Variants in NCMAP observed in about 807,000 individuals in gnomAD.
NCMAP encodes the protein non-compact myelin associated protein.
NCMAP carries 8 observed loss-of-function variants against 7.8 expected under a neutral mutation model. That is an observed-to-expected ratio of 1.02 (90% CI 0.60 to 1.84). NCMAP has a LOEUF of 1.84. NCMAP is among the 40% of genes most tolerant of loss of function. The pLI is 0.00. For missense variants in NCMAP, 112 were observed against 131.4 expected (o/e 0.85, Z 0.72); for synonymous variants, 41 against 52.9 (o/e 0.78, Z 0.98).
chr1:24,568,152 G>C (rs571955129), intron 1 of NCMAP, among the ~76,000 whole-genome samples: 1 of 152,222 alleles, frequency 6.6e-6, no homozygotes, highest in Non-Finnish European at 1.5e-5. Flanking sequence ...TCCCTCTCAG[G>C]CTGTGGTATT....
intron 1 of NCMAP, among the ~76,000 whole-genome samples, chr1:24,567,078 C>T (rs768133604): frequency 1.3e-5 from 2 of 152,158 alleles, no homozygotes; most frequent in Non-Finnish European, 2.9e-5. Flanking sequence ...CTCAGGGATC[C>T]GGACCCCAGA....
At chr1:24,564,367 C>G (rs12405728) in intron 1 of NCMAP, among the ~76,000 whole-genome samples, 19,750 of 150,968 alleles carry the variant, frequency 0.13, 1,811 homozygotes, top group African/African-American at 0.26. Flanking sequence ...AAAATTAGCT[C>G]GGTGTGGTGG....
chr1:24,593,220 A>T (rs1652102840), intron 1 of NCMAP, among the ~76,000 whole-genome samples: 1 of 151,840 alleles, frequency 6.6e-6, no homozygotes, highest in Non-Finnish European at 1.5e-5. Flanking sequence ...ATAGGGGATC[A>T]TGCTTGTAAT....
At chr1:24,563,739 T>G (rs1334645539) in intron 1 of NCMAP, 2 of 152,432 alleles carry the variant, frequency 1.3e-5, no homozygotes, top group East Asian at 3.9e-4. Context: ...GAAGCTCAGT[T>G]TGCACAAGGA....
intron 1 of NCMAP, among the ~76,000 whole-genome samples, chr1:24,574,376 C>T (rs1181797590): frequency 2.6e-5 from 4 of 151,790 alleles, no homozygotes; most frequent in Non-Finnish European, 5.9e-5. Context: ...ACCTCGGCCT[C>T]GCAAAGTGCT....
intron 1 of NCMAP, among the ~76,000 whole-genome samples, chr1:24,564,987 G>T (rs992877780): frequency 1.3e-5 from 2 of 152,148 alleles, no homozygotes; most frequent in African/African-American, 2.4e-5. Context: ...GCCTCAGAAG[G>T]TGGAATACAC....
rs1006522077 is a variant in NCMAP, at chr1:24,608,025, A to G, written c.*2278A>G. ...TCCTCTCTGGTCATTATTTCTTCCT[A>G]CTGTGTTTAAATATCCACCAAGTGT... On this transcript the variant is annotated 3_prime_UTR_variant, in exon 4 of 4. Coordinates refer to ENST00000374392, the MANE Select transcript of NCMAP (RefSeq NM_001010980.5). 1 of 152,202 alleles carries G rather than the reference A, an allele frequency of 6.6e-6. No individual in the cohort carries two copies. The highest frequency in any genetic ancestry group is 1.9e-4 in the East Asian group (1 of 5,200). The allele number at this position is 152,202 out of a possible 1,614,324, so 9.4% of individuals were successfully genotyped here.
chr1:24,604,299 G>C (rs1303118643), intron 3 of NCMAP, among the ~76,000 whole-genome samples: 1 of 151,934 alleles, frequency 6.6e-6, no homozygotes, highest in Non-Finnish European at 1.5e-5. Flanking sequence ...ATAAGGCTGG[G>C]TGCAGTGGCT....
chr1:24,582,102 C>T (rs1367922214), intron 1 of NCMAP, among the ~76,000 whole-genome samples: 1 of 152,208 alleles, frequency 6.6e-6, no homozygotes, highest in East Asian at 1.9e-4. Context: ...GACTCTTTCT[C>T]TGTCCGTCTC....
At position 24,588,016 on chromosome 1, in the gene NCMAP, GA is replaced by G. The variant is rs367924225; in HGVS notation, c.-7-7405del. 5.1e-3 allele frequency among the ~76,000 whole-genome samples: 778 copies of G among 152,158 alleles called. 11 individuals carry two copies. Among genetic ancestry groups the G allele is most frequent in the African/African-American group, 0.018 (735 of 41,494 alleles). ...TAGGCAAAAGAAAGAGAAAGAAACA[GA>G]AAGGAAAACAGCTCTGTCTTTAGTG... On this transcript the variant is annotated intron_variant, in intron 1 of 3. Transcript: ENST00000374392.
At chr1:24,587,717 T>A (rs776619539) in intron 1 of NCMAP, among the ~76,000 whole-genome samples, 1 of 152,098 alleles carries the variant, frequency 6.6e-6, no homozygotes, top group Non-Finnish European at 1.5e-5. Flanking sequence ...TTCACCATGT[T>A]GTCCAGGCTG....
At chr1:24,566,993 A>T (rs887333212) in intron 1 of NCMAP, among the ~76,000 whole-genome samples, 1 of 152,140 alleles carries the variant, frequency 6.6e-6, no homozygotes, top group Non-Finnish European at 1.5e-5. Flanking sequence ...GCAATGTAAA[A>T]GTACAAAGGA....
At chr1:24,575,483 T>TTGTA (rs1651527129) in intron 1 of NCMAP, among the ~76,000 whole-genome samples, 1 of 151,738 alleles carries the variant, frequency 6.6e-6, no homozygotes, top group South Asian at 2.1e-4. Flanking sequence ...TCCTGGAGGG[T>TTGTA]GAATAATTTG....
intron 1 of NCMAP, among the ~76,000 whole-genome samples, chr1:24,589,148 T>A (rs1205844148): frequency 6.6e-6 from 1 of 152,030 alleles, no homozygotes; most frequent in Non-Finnish European, 1.5e-5. Context: ...TTAAGTGAGA[T>A]CTCCAACATA....
chr1:24,580,209 G>A (rs1224426619), intron 1 of NCMAP, among the ~76,000 whole-genome samples: 1 of 152,258 alleles, frequency 6.6e-6, no homozygotes, highest in African/African-American at 2.4e-5. Flanking sequence ...CAGCTGAAAT[G>A]TGGCTAATGC....
chr1:24,603,157 G>A (rs1652566942), intron 3 of NCMAP, among the ~76,000 whole-genome samples: 1 of 152,090 alleles, frequency 6.6e-6, no homozygotes, highest in African/African-American at 2.4e-5. Flanking sequence ...ATGTGTTAAT[G>A]CATTTAATCC....
chr1:24,589,666 T>C (rs1383240677), intron 1 of NCMAP: 1 of 152,764 alleles, frequency 6.5e-6, no homozygotes, highest in African/African-American at 2.4e-5. Flanking sequence ...CCTCCATGTA[T>C]TCCTGCAGTG....
chr1:24,598,361 C>T (rs775185862), intron 2 of NCMAP, among the ~76,000 whole-genome samples: 4 of 152,130 alleles, frequency 2.6e-5, no homozygotes, highest in Non-Finnish European at 4.4e-5. Flanking sequence ...CCACCAGTAT[C>T]CTAGAGGTCG....
At chr1:24,599,416 C>A (rs184505497) in intron 2 of NCMAP, among the ~76,000 whole-genome samples, 38 of 151,194 alleles carry the variant, frequency 2.5e-4, no homozygotes, top group African/African-American at 8.3e-4. Flanking sequence ...TAGTGAAAAA[C>A]TGAAAACATA....
Sources: allele counts gnomAD v4.1 joint callset (sites outside exome capture counted in the v4.1 genomes callset), GRCh38; gene constraint gnomAD v4.1.1; transcripts MANE v1.5; gene names NCBI Gene and HGNC (gene_info 2026-07-23, HGNC 2026-07-21).